TRDN: variants seen among roughly 807,000 people sequenced by gnomAD.
TRDN encodes triadin.
A neutral mutation model predicts 149.7 loss-of-function variants in TRDN; 161 were observed. That is an observed-to-expected ratio of 1.08 (90% CI 0.95 to 1.23). The LOEUF (loss-of-function observed/expected upper bound fraction) is 1.23, where lower values mean the gene tolerates loss of function less well. Among genes scored for constraint, TRDN ranks in the 50% most tolerant of loss-of-function variants. The pLI, the probability that TRDN is intolerant of heterozygous loss-of-function variation, is 0.00. For synonymous variants in TRDN, 294 were observed against 250.5 expected (o/e 1.17, Z -1.64); for missense variants, 896 against 823.5 (o/e 1.09, Z -1.08).
At chr6:123,443,656 A>T (rs12199992) in intron 10 of TRDN, among the ~76,000 whole-genome samples, 22,332 of 151,308 alleles carry the variant, frequency 0.15, 2,323 homozygotes, top group African/African-American at 0.3. Context: ...GCCAGGGGTC[A>T]AACGTTTAAG....
intron 38 of TRDN, among the ~76,000 whole-genome samples, chr6:123,238,275 A>C (rs897345671): frequency 1.3e-5 from 2 of 152,170 alleles, no homozygotes; most frequent in Non-Finnish European, 2.9e-5. Flanking sequence ...TACTAATAAA[A>C]TTCACATATT....
At chr6:123,321,374 TA>T (rs771152219) in intron 23 of TRDN, among the ~76,000 whole-genome samples, 54 of 152,084 alleles carry the variant, frequency 3.6e-4, no homozygotes, top group African/African-American at 9.9e-4. Flanking sequence ...ATTTTAAAAT[TA>T]AAAAAAACAT....
chr6:123,303,191 T>C (rs533748664), intron 24 of TRDN, among the ~76,000 whole-genome samples: 2 of 152,258 alleles, frequency 1.3e-5, no homozygotes, highest in African/African-American at 4.8e-5. Flanking sequence ...CCTCTACATC[T>C]TTCTGTCTTC....
At chr6:123,337,558 G>A in intron 22 of TRDN, 61 bp downstream of exon 22, 1 of 830,764 alleles carries the variant, frequency 1.2e-6, no homozygotes, top group South Asian at 2.3e-5. Context: ...AATGTACTGT[G>A]TTCTCAATAA....
chr6:123,343,052 C>T (rs945423520), intron 21 of TRDN, among the ~76,000 whole-genome samples: 1 of 151,984 alleles, frequency 6.6e-6, no homozygotes, highest in Admixed American at 6.6e-5. Context: ...AGCCATTTTC[C>T]AATTTGTAAT....
chr6:123,245,150 T>C (rs1176674740), intron 38 of TRDN, among the ~76,000 whole-genome samples: 2 of 152,090 alleles, frequency 1.3e-5, no homozygotes, highest in African/African-American at 4.8e-5. Context: ...CATACCAAAA[T>C]GTGAAGACTA....
intron 1 of TRDN, among the ~76,000 whole-genome samples, chr6:123,572,889 C>T (rs760214631): frequency 2.0e-5 from 3 of 152,062 alleles, no homozygotes; most frequent in Non-Finnish European, 2.9e-5. Context: ...TCTAAATTCT[C>T]AAATTTCTTT....
chr6:123,277,656 G>T (rs915073880), intron 26 of TRDN, among the ~76,000 whole-genome samples: 1 of 152,088 alleles, frequency 6.6e-6, no homozygotes, highest in Non-Finnish European at 1.5e-5. Context: ...GAACACCAAG[G>T]ATTGCTGGAA....
chr6:123,536,459 T>G (rs991510818), intron 4 of TRDN, among the ~76,000 whole-genome samples: 65 of 152,144 alleles, frequency 4.3e-4, no homozygotes, highest in African/African-American at 1.5e-3. Context: ...TGAAAAAATA[T>G]TTTATTTCTA....
At chr6:123,474,055 G>T (rs1777333710) in intron 9 of TRDN, among the ~76,000 whole-genome samples, 2 of 151,512 alleles carry the variant, frequency 1.3e-5, no homozygotes, top group Non-Finnish European at 2.9e-5. Flanking sequence ...AAAATAACCA[G>T]CTAACATCAT....
chr6:123,614,083 C>T (rs1466614757), intron 1 of TRDN, among the ~76,000 whole-genome samples: 1 of 151,848 alleles, frequency 6.6e-6, no homozygotes, highest in Admixed American at 6.6e-5. Context: ...TCCTCAGTAC[C>T]TGGGGGGCTT....
At chr6:123,381,540 C>A in intron 15 of TRDN, 150 bp from the exon 16 acceptor site, 1 of 694,604 alleles carries the variant, frequency 1.4e-6, no homozygotes, top group South Asian at 1.9e-5. Context: ...CACAGTGAGG[C>A]TCTGAGGTAT....
chr6:123,420,164 A>G (rs1773836809), intron 12 of TRDN, among the ~76,000 whole-genome samples: 1 of 152,358 alleles, frequency 6.6e-6, no homozygotes, highest in East Asian at 1.9e-4. Flanking sequence ...AAACAAAATT[A>G]CAATCATCTT....
intron 2 of TRDN, 34 bp downstream of exon 2, chr6:123,570,889 T>C: frequency 1.3e-6 from 2 of 1,596,000 alleles, no homozygotes; most frequent in Middle Eastern, 1.7e-4. Flanking sequence ...TTTGAATTAA[T>C]TTTAATTTTA....
intron 10 of TRDN, among the ~76,000 whole-genome samples, chr6:123,461,486 T>A (rs973443927): frequency 6.6e-6 from 1 of 152,198 alleles, no homozygotes; most frequent in Non-Finnish European, 1.5e-5. Context: ...TCCTTCCACA[T>A]CTTTGCCACA....
chr6:123,298,450 G>A (rs541098966), intron 24 of TRDN, among the ~76,000 whole-genome samples: 2 of 151,856 alleles, frequency 1.3e-5, no homozygotes, highest in South Asian at 4.1e-4. Flanking sequence ...TCCACCAAGG[G>A]TTAGAGATAA....
chr6:123,241,492 A>T (rs1201827166), intron 38 of TRDN, among the ~76,000 whole-genome samples: 2 of 151,810 alleles, frequency 1.3e-5, no homozygotes, highest in East Asian at 3.9e-4. Flanking sequence ...TATCTATTAT[A>T]CTCTAATATT....
chr6:123,433,162 A>ATATATATATATATATATATATATAT (rs796874348), intron 12 of TRDN, among the ~76,000 whole-genome samples: 1 of 80,034 alleles, frequency 1.2e-5, no homozygotes, highest in Non-Finnish European at 2.5e-5. Flanking sequence ...ATATATATAT[A>ATATATATATATATATATATATATAT]ATATATATAT....
intron 20 of TRDN, among the ~76,000 whole-genome samples, chr6:123,362,608 A>G (rs970326876): frequency 1.3e-5 from 2 of 152,126 alleles, no homozygotes; most frequent in African/African-American, 4.8e-5. Flanking sequence ...GCTTAACTCT[A>G]AAGTCATCTT....
Sources: allele counts gnomAD v4.1 joint callset (sites outside exome capture counted in the v4.1 genomes callset), GRCh38; gene constraint gnomAD v4.1.1; transcripts MANE v1.5; gene names NCBI Gene and HGNC (gene_info 2026-07-23, HGNC 2026-07-21).